Variants in NEBL observed in about 807,000 individuals in gnomAD.
NEBL encodes nebulette.
In NEBL, 122 loss-of-function variants were observed where a neutral mutation model predicts 140.2. The ratio of observed to expected loss-of-function variants is 0.87; its 90% CI spans 0.75 to 1.01. The LOEUF (loss-of-function observed/expected upper bound fraction) is 1.01, where lower values mean the gene tolerates loss of function less well. NEBL is among the 50% of genes least tolerant of loss of function. NEBL has a pLI of 0.00. For synonymous variants in NEBL, 436 were observed against 398.9 expected (o/e 1.09, Z -1.11); for missense variants, 1,365 against 1,231.3 (o/e 1.11, Z -1.62).
chr10:21,069,217 A>G (rs1835705178), intron 2 of NEBL, among the ~76,000 whole-genome samples: 1 of 152,178 alleles, frequency 6.6e-6, no homozygotes, highest in Non-Finnish European at 1.5e-5. Context: ...GTTTGCATGG[A>G]ACCCACTTTG....
At chr10:21,023,879 T>C (rs1838909397) in intron 2 of NEBL, among the ~76,000 whole-genome samples, 1 of 152,126 alleles carries the variant, frequency 6.6e-6, no homozygotes, top group Admixed American at 6.5e-5. Flanking sequence ...AGTAATGAAC[T>C]TCACTTGCTG....
chr10:20,849,444 G>A (rs1182568101), intron 11 of NEBL, among the ~76,000 whole-genome samples: 1 of 152,176 alleles, frequency 6.6e-6, no homozygotes, highest in African/African-American at 2.4e-5. Flanking sequence ...CTGTTGGGGG[G>A]TGGGAACTCT....
At chr10:20,959,273 A>G (rs1445271432) in intron 4 of NEBL, among the ~76,000 whole-genome samples, 2 of 152,138 alleles carry the variant, frequency 1.3e-5, no homozygotes, top group East Asian at 3.9e-4. Flanking sequence ...TCATACCCCT[A>G]ATAATTTTCA....
chr10:21,047,399 C>A (rs990454528), intron 2 of NEBL, among the ~76,000 whole-genome samples: 1 of 152,002 alleles, frequency 6.6e-6, no homozygotes, highest in Non-Finnish European at 1.5e-5. Flanking sequence ...CAGAAAAAAA[C>A]AAAAATACAT....
At chr10:20,844,307 AAAATG>A (rs1376568101) in intron 12 of NEBL, among the ~76,000 whole-genome samples, 1 of 151,922 alleles carries the variant, frequency 6.6e-6, no homozygotes. Context: ...TCAAAAATTC[AAAATG>A]AAATGAAATT....
intron 4 of NEBL, among the ~76,000 whole-genome samples, chr10:20,941,927 T>C (rs992333530): frequency 2.0e-5 from 3 of 151,838 alleles, no homozygotes; most frequent in East Asian, 1.9e-4. Flanking sequence ...CACTGCTCAA[T>C]GAAATAAAAG....
chr10:21,151,301 C>T (rs763170313), intron 2 of NEBL, among the ~76,000 whole-genome samples: 1 of 152,312 alleles, frequency 6.6e-6, no homozygotes, highest in East Asian at 1.9e-4. Context: ...CGTCACCACT[C>T]ATGTGGTGAA....
Position 20,944,316 on chromosome 10 carries a change from C to T in NEBL, c.357+17356G>A, listed in dbSNP as rs536608452. Reference sequence around the variant, plus strand: ...TTGGAAGGCTGAAGCAGGAGAATCACGTGAACCTGGGAGGCGGAGGGTGCA... The same window carrying T: ...TTGGAAGGCTGAAGCAGGAGAATCATGTGAACCTGGGAGGCGGAGGGTGCA... On this transcript the variant is annotated intron_variant, in intron 4 of 6. Coordinates refer to the NEBL transcript ENST00000417816. 4.2e-4 allele frequency among the ~76,000 whole-genome samples: 64 copies of T among 152,230 alleles called. 1 individual carries two copies. Among genetic ancestry groups the T allele is most frequent in the Admixed American group, 1.8e-3 (27 of 15,288 alleles).
At chr10:20,814,617 T>TACACACATAC (rs1838530037) in intron 22 of NEBL, among the ~76,000 whole-genome samples, 2 of 146,526 alleles carry the variant, frequency 1.4e-5, no homozygotes, top group African/African-American at 2.5e-5. Flanking sequence ...CATACACACA[T>TACACACATAC]ACACACACAC....
chr10:21,151,522 T>C (rs1161626113), intron 2 of NEBL, among the ~76,000 whole-genome samples: 1 of 152,138 alleles, frequency 6.6e-6, no homozygotes, highest in Non-Finnish European at 1.5e-5. Flanking sequence ...AAAAAAAACT[T>C]AAAACCTAAA....
intron 2 of NEBL, among the ~76,000 whole-genome samples, chr10:21,098,103 C>A (rs1376290559): frequency 6.6e-6 from 1 of 152,026 alleles, no homozygotes; most frequent in Non-Finnish European, 1.5e-5. Flanking sequence ...TGAAAAGAGG[C>A]AAAAATGTGA....
intron 19 of NEBL, among the ~76,000 whole-genome samples, chr10:20,820,623 C>T (rs759950613): frequency 4.6e-5 from 7 of 152,012 alleles, no homozygotes; most frequent in Non-Finnish European, 8.8e-5. Flanking sequence ...GTCATGAGTT[C>T]GAGACCAGCC....
intron 4 of NEBL, among the ~76,000 whole-genome samples, chr10:20,955,804 T>C (rs1192898258): frequency 6.6e-6 from 1 of 151,000 alleles, no homozygotes; most frequent in Non-Finnish European, 1.5e-5. Flanking sequence ...TCAGGCAAGA[T>C]AATGGCCTGA....
chr10:21,051,318 A>G (rs908595131), intron 2 of NEBL, among the ~76,000 whole-genome samples: 7 of 152,356 alleles, frequency 4.6e-5, no homozygotes, highest in African/African-American at 1.2e-4. Flanking sequence ...TTAGAAATCA[A>G]TGTTAATGAG....
chr10:21,076,715 A>C (rs565702682), intron 2 of NEBL, among the ~76,000 whole-genome samples: 3 of 152,330 alleles, frequency 2.0e-5, no homozygotes, highest in Admixed American at 6.5e-5. Context: ...ATACTACAAC[A>C]TGGATGAAAC....
chr10:20,941,008 C>A (rs1455085080), intron 4 of NEBL, among the ~76,000 whole-genome samples: 2 of 152,132 alleles, frequency 1.3e-5, no homozygotes, highest in Non-Finnish European at 2.9e-5. Context: ...ACCAGAGGTA[C>A]AAGAAGGAGC....
chr10:21,156,072 T>C (rs1463844693), intron 2 of NEBL, among the ~76,000 whole-genome samples: 1 of 152,138 alleles, frequency 6.6e-6, no homozygotes, highest in East Asian at 1.9e-4. Context: ...ACACCACAAG[T>C]GCTGAATTTC....
Position 21,275,633 on chromosome 10 carries a change from C to T in NEBL, n.182+17197G>A, listed in dbSNP as rs117939802. 6.1e-5 allele frequency among the ~76,000 whole-genome samples: 9 copies of T among 147,856 alleles called. No homozygotes were observed. In the East Asian group the frequency reaches 1.7e-3, roughly 29 times the overall value. ...GAACTAACATAGACTCATCACATTA[C>T]CAGCTTTTTTTTTTTTTTTTTTTTG... On this transcript the variant is annotated intron_variant and non_coding_transcript_variant, in intron 1 of 8. Transcript: ENST00000675702.
At chr10:21,178,663 G>A (rs1841339619), upstream of NEBL, among the ~76,000 whole-genome samples, 1 of 152,140 alleles carries the variant, frequency 6.6e-6, no homozygotes, top group South Asian at 2.1e-4. Flanking sequence ...TCACTTCAAT[G>A]CCCCAACATA....
Sources: allele counts gnomAD v4.1 joint callset (sites outside exome capture counted in the v4.1 genomes callset), GRCh38; gene constraint gnomAD v4.1.1; transcripts MANE v1.5; gene names NCBI Gene and HGNC (gene_info 2026-07-23, HGNC 2026-07-21).